CAMTA1: variants seen among roughly 807,000 people sequenced by gnomAD.
CAMTA1 encodes calmodulin-binding transcription activator 1.
CAMTA1 carries 27 observed loss-of-function variants against 170.9 expected under a neutral mutation model. The observed-to-expected ratio is 0.16, with a 90% confidence interval of 0.12 to 0.22. The LOEUF (loss-of-function observed/expected upper bound fraction) is 0.22, where lower values mean the gene tolerates loss of function less well. Ranked by LOEUF, CAMTA1 falls within the 10% of genes least tolerant of loss-of-function variation. The pLI is 1.00. For synonymous variants in CAMTA1, 833 were observed against 891.5 expected (o/e 0.93, Z 1.17); for missense variants, 1,619 against 2,217.2 (o/e 0.73, Z 5.42).
chr1:7,492,784 C>CAG (rs1557805188), intron 6 of CAMTA1, among the ~76,000 whole-genome samples: 1 of 144,114 alleles, frequency 6.9e-6, no homozygotes, highest in African/African-American at 2.6e-5. Context: ...AGTGCACACA[C>CAG]AAACACAAAC....
At chr1:7,689,574 C>T (rs1278428209) in intron 11 of CAMTA1, among the ~76,000 whole-genome samples, 4 of 151,322 alleles carry the variant, frequency 2.6e-5, no homozygotes, top group Non-Finnish European at 4.4e-5. Context: ...GCGAGACCAT[C>T]TCAAAAAAAA....
At chr1:6,950,226 G>A (rs987691478) in intron 3 of CAMTA1, among the ~76,000 whole-genome samples, 2 of 152,150 alleles carry the variant, frequency 1.3e-5, no homozygotes, top group Admixed American at 6.6e-5. Context: ...TTCTCAACAC[G>A]CCCTTGCTTT....
chr1:7,197,628 C>CCACACA (rs3222484), intron 4 of CAMTA1, among the ~76,000 whole-genome samples: 2,339 of 109,832 alleles, frequency 0.021, 45 homozygotes, highest in East Asian at 0.079. Flanking sequence ...TTGTCCCCCA[C>CCACACA]CACACACACA....
chr1:6,951,745 C>A (rs10864251), intron 3 of CAMTA1, among the ~76,000 whole-genome samples: 79,547 of 151,900 alleles, frequency 0.52, 21,615 homozygotes, highest in Non-Finnish European at 0.61. Context: ...GGGCCCTGTC[C>A]GAGGCCCAAG....
At position 6,825,109 on chromosome 1, in the gene CAMTA1, A is replaced by G; in HGVS notation, c.133A>G (p.Asn45Asp). 1.3e-6 allele frequency: 2 copies of G among 1,591,248 alleles called. No individual in the cohort carries two copies. Among genetic ancestry groups the G allele is most frequent in the Non-Finnish European group, 1.7e-6 (2 of 1,163,398 alleles). ...CTTTGTAGATGATCATGGGAACAGCAATAGTAGTCATGTAAAAATCTTTTT... is the reference window on the plus strand; with the variant it reads ...CTTTGTAGATGATCATGGGAACAGCGATAGTAGTCATGTAAAAATCTTTTT... Reference protein sequence around the residue: ...PPIEDDHGNSNSSHVKIFLPK... With the variant: ...PPIEDDHGNSDSSHVKIFLPK... The change falls in exon 3 of 23, where the codon AAT (asparagine) becomes GAT (aspartate). Residue 45 changes from asparagine to aspartate, a missense_variant. By Grantham distance (23) the Asn-to-Asp change is conservative. Coordinates refer to ENST00000303635, the MANE Select transcript of CAMTA1 (RefSeq NM_015215.4).
At chr1:7,492,238 T>C (rs1039788362) in intron 6 of CAMTA1, among the ~76,000 whole-genome samples, 1 of 152,120 alleles carries the variant, frequency 6.6e-6, no homozygotes, top group African/African-American at 2.4e-5. Flanking sequence ...TAGAGTGAAG[T>C]CGGCAGAAAG....
chr1:7,650,761 G>A lies in CAMTA1; in HGVS notation c.664+10208G>A, dbSNP rs529137900. Among the ~76,000 whole-genome samples the A allele has an allele frequency of 2.0e-3, 305 of 152,326 alleles. 3 individuals carry two copies. The highest frequency in any genetic ancestry group is 1.6e-3 in the Non-Finnish European group (110 of 68,024). ...AATTTTGTCCTCAGGACCAATAGGC[G>A]AATGAGAGTTGAGTGGTGAGATCGG... On this transcript the variant is annotated intron_variant, in intron 7 of 22. Transcript: ENST00000303635.
chr1:6,825,831 T>G (rs772108878), intron 3 of CAMTA1, among the ~76,000 whole-genome samples: 7 of 152,238 alleles, frequency 4.6e-5, no homozygotes, highest in Non-Finnish European at 7.3e-5. Flanking sequence ...TCCAGGAGTC[T>G]TACTGTTAGG....
At chr1:7,387,678 A>C (rs2088168338) in intron 5 of CAMTA1, among the ~76,000 whole-genome samples, 1 of 152,172 alleles carries the variant, frequency 6.6e-6, no homozygotes, top group African/African-American at 2.4e-5. Context: ...AGGTTTTAAA[A>C]TGTGCACGGT....
intron 5 of CAMTA1, among the ~76,000 whole-genome samples, chr1:7,287,574 CCTTCTT>C (rs918222458): frequency 3.3e-5 from 5 of 151,886 alleles, no homozygotes; most frequent in Non-Finnish European, 5.9e-5. Flanking sequence ...CAAGCCCTTT[CCTTCTT>C]CTTCTTCTTC....
chr1:7,183,245 A>G (rs556535137), intron 4 of CAMTA1, among the ~76,000 whole-genome samples: 66 of 152,216 alleles, frequency 4.3e-4, no homozygotes, highest in African/African-American at 1.4e-3. Flanking sequence ...TTTAACAGCC[A>G]GCTCTTCTGT....
chr1:7,715,390 C>G (rs1337510233), intron 11 of CAMTA1, among the ~76,000 whole-genome samples: 1 of 152,002 alleles, frequency 6.6e-6, no homozygotes, highest in Non-Finnish European at 1.5e-5. Context: ...TTGCATAGCC[C>G]CTGAAACTGG....
chr1:6,981,385 T>C (rs574477962), intron 3 of CAMTA1, among the ~76,000 whole-genome samples: 2 of 152,346 alleles, frequency 1.3e-5, no homozygotes, highest in East Asian at 1.9e-4. Flanking sequence ...TATTTTTACA[T>C]AGCAGAATTT....
chr1:7,448,565 C>T lies in CAMTA1; in HGVS notation c.439-19265C>T, dbSNP rs113113815. Among the ~76,000 whole-genome samples the T allele has an allele frequency of 1.5e-3, 222 of 152,250 alleles. 3 individuals carry two copies. In the Middle Eastern group the frequency reaches 0.041, roughly 28 times the overall value. On this transcript the variant is annotated intron_variant, in intron 5 of 22. Transcript: ENST00000303635. ...ATAACACAATCTATAGACTAGGTGG[C>T]GTATAAAAAACAGAGATTTATTTCC...
chr1:7,429,521 A>T (rs11120924), intron 5 of CAMTA1, among the ~76,000 whole-genome samples: 67,302 of 151,504 alleles, frequency 0.44, 16,109 homozygotes, highest in East Asian at 0.74. Flanking sequence ...GTGGTACTGA[A>T]GGTGATGGTG....
chr1:7,173,633 C>T lies in CAMTA1; in HGVS notation c.303-75858C>T, dbSNP rs577045571. 6.6e-6 allele frequency among the ~76,000 whole-genome samples: 1 copy of T among 152,268 alleles called. No individual in the cohort carries two copies. The highest frequency in any genetic ancestry group is 6.5e-5 in the Admixed American group (1 of 15,292). ...TAATTCCTGACCTCAGGTGATCCACCCACCTCAGCCTCCCAAAGTGCTGAG... is the reference window on the plus strand; with the variant it reads ...TAATTCCTGACCTCAGGTGATCCACTCACCTCAGCCTCCCAAAGTGCTGAG... On this transcript the variant is annotated intron_variant, in intron 4 of 22. Transcript: ENST00000303635. The surrounding 1 kb of genome is among the most constrained non-coding windows in gnomAD (Gnocchi z 5.4).
At chr1:7,429,108 G>T (rs1422082308) in intron 5 of CAMTA1, among the ~76,000 whole-genome samples, 1 of 152,042 alleles carries the variant, frequency 6.6e-6, no homozygotes. Context: ...TCAGAATTTG[G>T]GAGCCATAAT....
intron 3 of CAMTA1, among the ~76,000 whole-genome samples, chr1:6,927,435 C>G (rs1174263393): frequency 6.6e-6 from 1 of 152,166 alleles, no homozygotes; most frequent in Non-Finnish European, 1.5e-5. Context: ...ACATTTGTGT[C>G]CTAACAATAG....
chr1:7,386,666 G>A (rs2088029746), intron 5 of CAMTA1, among the ~76,000 whole-genome samples: 1 of 152,158 alleles, frequency 6.6e-6, no homozygotes. Context: ...TTCCCAGCAC[G>A]TGACCTGCTG....
Sources: allele counts gnomAD v4.1 joint callset (sites outside exome capture counted in the v4.1 genomes callset), GRCh38; gene constraint gnomAD v4.1.1; non-coding constraint Gnocchi (gnomAD v3.1); transcripts MANE v1.5; gene names NCBI Gene and HGNC (gene_info 2026-07-23, HGNC 2026-07-21).